CMSS1: variants seen among roughly 807,000 people sequenced by gnomAD.
The protein encoded by CMSS1 is protein CMSS1.
A neutral mutation model predicts 43.5 loss-of-function variants in CMSS1; 33 were observed. The observed-to-expected ratio is 0.76, with a 90% confidence interval of 0.57 to 1.01. The LOEUF (loss-of-function observed/expected upper bound fraction) is 1.01. Ranked by LOEUF, CMSS1 falls within the 50% of genes least tolerant of loss-of-function variation. The pLI is 0.00. For missense variants in CMSS1, 313 were observed against 326.4 expected (o/e 0.96, Z 0.32); for synonymous variants, 115 against 117.2 (o/e 0.98, Z 0.12).
At position 100,176,360 on chromosome 3, in the gene CMSS1, T is replaced by A. The variant is rs970385007; in HGVS notation, c.701T>A (p.Val234Asp). 3 of 1,613,244 alleles carry A rather than the reference T, an allele frequency of 1.9e-6. No homozygotes were observed. Among genetic ancestry groups the A allele is most frequent in the Non-Finnish European group, 2.5e-6 (3 of 1,179,410 alleles). The change falls in exon 9 of 10, where the codon GTT becomes GAT. Residue 234 changes from valine (V) to aspartate (D), a missense_variant. Physicochemically the swap from Val to Asp is radical, Grantham distance 152 (BLOSUM62 -3). Transcript: ENST00000421999. ...AATTTGAGCCCCTTAAAATTTCTGG[T>A]TTTTGACTGGAACTGGAGAGATCAG... ...GLNLSPLKFL[V>D]FDWNWRDQKL...
chr3:99,928,999 G>C (rs1707385362), intron 1 of CMSS1, among the ~76,000 whole-genome samples: 2 of 152,312 alleles, frequency 1.3e-5, no homozygotes, highest in Non-Finnish European at 2.9e-5. Context: ...AAGGACATTA[G>C]AGGTCAGTCC....
chr3:100,050,563 G>A (rs547212667), intron 1 of CMSS1, among the ~76,000 whole-genome samples: 13 of 152,118 alleles, frequency 8.5e-5, no homozygotes, highest in African/African-American at 2.2e-4. Flanking sequence ...ACAGAGTCTC[G>A]CTCTATTGCC....
intron 1 of CMSS1, among the ~76,000 whole-genome samples, chr3:99,950,493 A>G (rs1328466705): frequency 6.6e-6 from 1 of 152,062 alleles, no homozygotes; most frequent in East Asian, 1.9e-4. Context: ...ACTTCTTTAT[A>G]TTATCTTCCG....
rs191265397 is a variant in CMSS1, at chr3:99,848,385, G to C, written c.64+30342G>C. On this transcript the variant is annotated intron_variant, in intron 1 of 9. Transcript: ENST00000421999. ...TATTGGTTGTTTTGTTTAGTGCCCCGTTAATTAAGCCTTGAGTTCGGTTAT... is the reference window on the plus strand; with the variant it reads ...TATTGGTTGTTTTGTTTAGTGCCCCCTTAATTAAGCCTTGAGTTCGGTTAT... 18 of 1,614,168 alleles carry C rather than the reference G, an allele frequency of 1.1e-5. No individual in the cohort carries two copies. In the East Asian group the frequency reaches 4.0e-4, roughly 36 times the overall value.
intron 1 of CMSS1, among the ~76,000 whole-genome samples, chr3:100,038,923 T>G (rs1428033491): frequency 2.0e-5 from 3 of 152,160 alleles, no homozygotes; most frequent in Non-Finnish European, 4.4e-5. Context: ...GAAGAAAGAA[T>G]GAACGTACAT....
chr3:100,110,778 A>G (rs921906973), intron 1 of CMSS1, among the ~76,000 whole-genome samples: 11 of 152,034 alleles, frequency 7.2e-5, no homozygotes, highest in Admixed American at 2.6e-4. Context: ...CCTCTTACCC[A>G]TGATAAACTG....
intron 1 of CMSS1, among the ~76,000 whole-genome samples, chr3:100,014,887 C>CT (rs1559725867): frequency 8.6e-4 from 28 of 32,454 alleles, no homozygotes; most frequent in South Asian, 2.4e-3. Context: ...TTTTTTTTTT[C>CT]TTTCTTTCTT....
At chr3:100,011,849 C>T (rs1710166202) in intron 1 of CMSS1, 1 of 152,138 alleles carries the variant, frequency 6.6e-6, no homozygotes, top group Non-Finnish European at 1.5e-5. Flanking sequence ...TAAATAGATA[C>T]TCATATCAGA....
chr3:100,120,629 GTC>G lies in CMSS1; in HGVS notation c.65-26340_65-26339del, dbSNP rs551787588. 2.5e-3 allele frequency among the ~76,000 whole-genome samples: 384 copies of G among 152,236 alleles called. 1 individual carries two copies. The highest frequency in any genetic ancestry group is 3.9e-3 in the Non-Finnish European group (263 of 68,018). On this transcript the variant is annotated intron_variant, in intron 1 of 9. Transcript: ENST00000421999. ...TCCTTTAAAGACAAAACGTTGTCCTGTCTCTGTCGCTCAGGAACTCATAGTCT... is the reference window on the plus strand; with the variant it reads ...TCCTTTAAAGACAAAACGTTGTCCTGTCTGTCGCTCAGGAACTCATAGTCT...
intron 1 of CMSS1, among the ~76,000 whole-genome samples, chr3:99,928,725 A>G (rs375226609): frequency 6.6e-6 from 1 of 152,170 alleles, no homozygotes; most frequent in East Asian, 1.9e-4. Context: ...ATTAATTTGC[A>G]TTTGAGCTCA....
At chr3:100,168,656 CT>C (rs1342635177) in intron 6 of CMSS1, among the ~76,000 whole-genome samples, 1 of 151,854 alleles carries the variant, frequency 6.6e-6, no homozygotes, top group African/African-American at 2.4e-5. Context: ...AACAGGAAAA[CT>C]CAATATTGTA....
At chr3:100,009,812 G>T (rs1710092857) in intron 1 of CMSS1, among the ~76,000 whole-genome samples, 1 of 152,178 alleles carries the variant, frequency 6.6e-6, no homozygotes, top group Non-Finnish European at 1.5e-5. Context: ...GCAATGTATG[G>T]TTTAGCTGTA....
intron 8 of CMSS1, among the ~76,000 whole-genome samples, chr3:100,173,034 A>G (rs1437215998): frequency 5.9e-5 from 9 of 152,316 alleles, no homozygotes; most frequent in African/African-American, 2.2e-4. Context: ...TATGTATTAT[A>G]TAATAGAGCT....
intron 1 of CMSS1, among the ~76,000 whole-genome samples, chr3:100,092,289 A>G (rs1329338528): frequency 6.6e-6 from 1 of 152,182 alleles, no homozygotes; most frequent in Admixed American, 6.5e-5. Flanking sequence ...AGATGTCCTG[A>G]TGAAAGCATG....
chr3:100,169,452 G>C (rs1263134919), intron 6 of CMSS1, among the ~76,000 whole-genome samples: 2 of 152,186 alleles, frequency 1.3e-5, no homozygotes, highest in African/African-American at 4.8e-5. Flanking sequence ...TGAAGAAAGA[G>C]GAACTTGGTC....
intron 1 of CMSS1, among the ~76,000 whole-genome samples, chr3:100,136,963 G>A (rs1347772139): frequency 3.3e-5 from 5 of 152,264 alleles, no homozygotes; most frequent in Non-Finnish European, 7.3e-5. Flanking sequence ...TGGCTAGGCT[G>A]CTCACTGCCT....
At chr3:100,003,110 A>C (rs1462621076) in intron 1 of CMSS1, among the ~76,000 whole-genome samples, 2 of 152,270 alleles carry the variant, frequency 1.3e-5, no homozygotes, top group African/African-American at 2.4e-5. Flanking sequence ...ATTATTCAGC[A>C]CTGTAGCCTC....
chr3:99,900,498 G>A (rs752807008), intron 1 of CMSS1, among the ~76,000 whole-genome samples: 5 of 152,154 alleles, frequency 3.3e-5, no homozygotes, highest in Non-Finnish European at 7.3e-5. Context: ...GTGCGTTCAG[G>A]GTGGTATGGC....
At chr3:100,060,098 G>A (rs906861169) in intron 1 of CMSS1, among the ~76,000 whole-genome samples, 5 of 152,104 alleles carry the variant, frequency 3.3e-5, no homozygotes, top group Non-Finnish European at 5.9e-5. Flanking sequence ...CAGCTGTGCC[G>A]GGTATGGTAA....
Sources: gnomAD v4.1 joint callset for allele counts (sites outside exome capture counted in the v4.1 genomes callset) on GRCh38, gnomAD v4.1.1 for gene constraint, MANE v1.5 for transcripts, NCBI Gene and HGNC (gene_info 2026-07-23, HGNC 2026-07-21) for gene names.